ZDBF2: variants seen among roughly 807,000 people sequenced by gnomAD.
The protein encoded by ZDBF2 is DBF4-type zinc finger-containing protein 2.
In ZDBF2, 6 loss-of-function variants were observed where a neutral mutation model predicts 9.4. The observed-to-expected ratio is 0.64, with a 90% CI of 0.35 to 1.27. The LOEUF (loss-of-function observed/expected upper bound fraction) is 1.27, where lower values mean the gene tolerates loss of function less well. Ranked by LOEUF, ZDBF2 falls within the 50% of genes most tolerant of loss-of-function variation. The probability of loss-of-function intolerance (pLI) is 0.03; values close to 1 mark genes in which losing one functional copy is unlikely to be tolerated. For missense variants in ZDBF2, 2,697 were observed against 2,766.8 expected, an observed-to-expected ratio of 0.97 and a Z score of 0.57; for synonymous variants, 905 against 946.3, an observed-to-expected ratio of 0.96 and a Z score of 0.80.
chr2:206,309,273 T>A lies in ZDBF2; in HGVS notation c.4745T>A (p.Val1582Asp). Residue 1582 changes from valine to aspartate, a missense_variant, in exon 5 of 5, where the codon GTC (valine) becomes GAC (aspartate). Physicochemically the swap from Val to Asp is radical, Grantham distance 152. Coordinates refer to ENST00000374423, the MANE Select transcript of ZDBF2 (RefSeq NM_020923.3). The part of the protein sequence containing the change: ...DKSCDFFGSE[V>D]RCNCKASTPS... The stretch of plus-strand genomic sequence containing the variant: ...AGCTGTGACTTTTTTGGTTCTGAAG[T>A]CAGATGTAATTGTAAAGCCTCTACT... 6.2e-7 allele frequency: 1 copy of A among 1,611,418 alleles called. No homozygotes were observed. Among genetic ancestry groups the A allele is most frequent in the Non-Finnish European group, 8.5e-7 (1 of 1,178,750 alleles).
rs556492868 is a variant in ZDBF2, at chr2:206,298,868, T to C, written c.188+1495T>C. 2.0e-5 allele frequency among the ~76,000 whole-genome samples: 3 copies of C among 152,162 alleles called. No homozygotes were observed. The East Asian group carries it at 5.8e-4, about 29-fold the overall frequency. On this transcript the variant is annotated intron_variant, in intron 4 of 4. Transcript: ENST00000374423. ...TAAGCAGTGCTTCAGCAAACATGTT[T>C]TTACATGAATTTTTTTTTTCTTTTT... is the stretch of plus-strand genomic sequence containing the variant.
rs373740476 is a variant in ZDBF2, at chr2:206,307,330, C to T, written c.2802C>T (p.Pro934=). 9.9e-6 allele frequency: 16 copies of T among 1,612,276 alleles called. No homozygotes were observed. The highest frequency in any genetic ancestry group is 1.4e-5 in the Non-Finnish European group (16 of 1,179,516). ...CAGTGACTGGACGTTCTGAAGATCC[C>T]ATTAAAGAAATAAGCCTTCACACAA... ...FHSVTGRSED[P]IKEISLHTKE... The change falls in exon 5 of 5, where the codon CCC becomes CCT. Residue 934 remains proline (P), a synonymous_variant. Coordinates refer to ENST00000374423, the MANE Select transcript of ZDBF2 (RefSeq NM_020923.3).
rs764389578 is a variant in ZDBF2, at chr2:206,306,295, T to C, written c.1767T>C (p.Leu589=). 6 of 1,613,706 alleles carry C rather than the reference T, an allele frequency of 3.7e-6. No homozygotes were observed. The South Asian group carries it at 6.6e-5, about 18-fold the overall frequency. The part of the protein sequence containing the change: ...SETSFDCDVS[L]ESVVDHPQLT... ...CAAGTTTTGATTGTGATGTTTCTCT[T>C]GAGTCAGTAGTTGATCATCCCCAAC... is the stretch of plus-strand genomic sequence containing the variant. Residue 589 remains leucine (L), a synonymous_variant, in exon 5 of 5, where the codon CTT becomes CTC. Transcript: ENST00000374423.
At chr2:206,297,710 G>A (rs997837561) in intron 4 of ZDBF2, among the ~76,000 whole-genome samples, 3 of 151,960 alleles carry the variant, frequency 2.0e-5, no homozygotes, top group South Asian at 4.2e-4. Flanking sequence ...ATGGAGTTTC[G>A]CTCTTGTTGC....
intron 1 of ZDBF2, among the ~76,000 whole-genome samples, chr2:206,278,437 T>C (rs1056269004): frequency 6.6e-6 from 1 of 152,166 alleles, no homozygotes; most frequent in Non-Finnish European, 1.5e-5. Flanking sequence ...GAATCATTTT[T>C]CCAGAATTTT....
chr2:206,283,052 C>G (rs1221391817), intron 3 of ZDBF2, among the ~76,000 whole-genome samples: 1 of 152,192 alleles, frequency 6.6e-6, no homozygotes, highest in Non-Finnish European at 1.5e-5. Flanking sequence ...CGACCTCGTT[C>G]CTTTTTATGG....
At chr2:206,304,278 G>C (rs1393417658) in intron 4 of ZDBF2, among the ~76,000 whole-genome samples, 1 of 152,152 alleles carries the variant, frequency 6.6e-6, no homozygotes, top group Admixed American at 6.5e-5. Flanking sequence ...CTTACTGTGT[G>C]CCAAGCTGTT....
In ZDBF2 at chr2:206,311,027, C is replaced by T. The variant is rs1559163402; in HGVS notation, c.6499C>T (p.Leu2167Phe). 1 of 1,610,362 alleles carries T rather than the reference C, an allele frequency of 6.2e-7. No individual in the cohort carries two copies. The highest frequency in any genetic ancestry group is 1.7e-5 in the Admixed American group (1 of 59,208). ...CTCTCCAAAATCAGTTAGAAATAAG[C>T]TTTTGGAAAGTCAAAGTAAAAAGAA... is the stretch of plus-strand genomic sequence containing the variant. ...KISPKSVRNK[L>F]LESQSKKKIH... is the part of the protein sequence containing the mutation. Residue 2167 changes from leucine (L) to phenylalanine (F), a missense_variant, in exon 5 of 5, where the codon CTT becomes TTT. By Grantham distance (22) the Leu-to-Phe change is conservative (BLOSUM62 0). Around this residue, in one of 3 missense-constraint regions of ZDBF2, gnomAD observed 1,783 missense variants for 1,776.5 expected, o/e 1.00. Transcript: ENST00000374423.
At position 206,308,367 on chromosome 2, in the gene ZDBF2, C is replaced by T. The variant is rs1460759946; in HGVS notation, c.3839C>T (p.Pro1280Leu). Residue 1280 changes from proline to leucine, a missense_variant, in exon 5 of 5, where the codon CCT (proline) becomes CTT (leucine). Pro to Leu is a moderately conservative substitution (Grantham distance 98, BLOSUM62 -3). Transcript: ENST00000374423. ...HVDLENKIVK[P>L]TDSRINFDSH... ...GACTTGGAAAATAAGATTGTCAAAC[C>T]TACAGATTCCAGAATAAATTTTGAT... The T allele has an allele frequency of 4.3e-6, 7 of 1,612,930 alleles. No individual in the cohort carries two copies. Among genetic ancestry groups the T allele is most frequent in the Non-Finnish European group, 5.1e-6 (6 of 1,179,634 alleles).
Position 206,308,909 on chromosome 2 carries a change from C to T in ZDBF2, c.4381C>T (p.His1461Tyr). The T allele has an allele frequency of 6.2e-7, 1 of 1,612,620 alleles. No homozygotes were observed. Among genetic ancestry groups the T allele is most frequent in the Non-Finnish European group, 8.5e-7 (1 of 1,179,232 alleles). ...GSEIKCHSCV[H>Y]LQSEVDQPQV... ...TGAAATAAAATGTCATTCTTGTGTT[C>T]ATCTTCAGTCAGAAGTTGACCAACC... The change falls in exon 5 of 5, where the codon CAT becomes TAT. Residue 1461 changes from histidine (H) to tyrosine (Y), a missense_variant. Physicochemically the swap from His to Tyr is moderately conservative, Grantham distance 83 (BLOSUM62 2). Coordinates refer to ENST00000374423, the MANE Select transcript of ZDBF2 (RefSeq NM_020923.3).
chr2:206,297,515 T>A, intron 4 of ZDBF2, 142 bp downstream of exon 4: 1 of 820,706 alleles, frequency 1.2e-6, no homozygotes, highest in Non-Finnish European at 1.8e-6. Flanking sequence ...ATTTGCAATT[T>A]AAAATTTTTC....
intron 4 of ZDBF2, among the ~76,000 whole-genome samples, chr2:206,298,528 G>GT (rs777415897): frequency 5.3e-5 from 8 of 151,902 alleles, no homozygotes; most frequent in Non-Finnish European, 1.2e-4. Context: ...TTTTGTTTTT[G>GT]TTTTTGTTTT....
chr2:206,283,971 A>G (rs1180398139), intron 3 of ZDBF2, among the ~76,000 whole-genome samples: 1 of 152,088 alleles, frequency 6.6e-6, no homozygotes, highest in Non-Finnish European at 1.5e-5. Flanking sequence ...CCTTCTTTTT[A>G]CTTTCATGAT....
At chr2:206,291,220 G>A (rs974587563) in intron 3 of ZDBF2, among the ~76,000 whole-genome samples, 2 of 152,198 alleles carry the variant, frequency 1.3e-5, no homozygotes, top group African/African-American at 4.8e-5. Flanking sequence ...AGATGGGGTG[G>A]AGGGGTGGTT....
chr2:206,299,377 A>T (rs1220906504), intron 4 of ZDBF2, among the ~76,000 whole-genome samples: 1 of 152,016 alleles, frequency 6.6e-6, no homozygotes, highest in Non-Finnish European at 1.5e-5. Flanking sequence ...TAAATCCAAA[A>T]TAACCACAGA....
At chr2:206,275,882 C>G (rs953636435) in intron 1 of ZDBF2, among the ~76,000 whole-genome samples, 2 of 152,154 alleles carry the variant, frequency 1.3e-5, no homozygotes, top group African/African-American at 4.8e-5. Context: ...AAGACCTTTT[C>G]TCTATCGTTT....
At chr2:206,297,078 C>T (rs952501898) in intron 3 of ZDBF2, among the ~76,000 whole-genome samples, 168 bp from the exon 4 acceptor site, 1 of 152,008 alleles carries the variant, frequency 6.6e-6, no homozygotes, top group Non-Finnish European at 1.5e-5. Flanking sequence ...ATTATTTTAC[C>T]TAAGGGAAAG....
In ZDBF2 at chr2:206,309,690, A is replaced by C; in HGVS notation, c.5162A>C (p.His1721Pro). ...DFGASSKSAL[H>P]RRADKKKRSK... is the part of the protein sequence containing the mutation. ...GGTGCCTCTTCCAAGTCAGCGCTCC[A>C]TCGAAGGGCTGATAAAAAAAAACGT... Residue 1721 changes from histidine (H) to proline (P), a missense_variant, in exon 5 of 5, where the codon CAT (histidine) becomes CCT (proline). His to Pro is a moderately conservative substitution (Grantham distance 77). This residue lies in a region of ZDBF2 where 1,783 missense variants were observed against 1,776.5 expected (regional missense o/e 1.00). Coordinates refer to ENST00000374423, the MANE Select transcript of ZDBF2 (RefSeq NM_020923.3). 6.2e-7 allele frequency: 1 copy of C among 1,613,858 alleles called. No homozygotes were observed. Among genetic ancestry groups the C allele is most frequent in the Non-Finnish European group, 8.5e-7 (1 of 1,179,860 alleles).
At chr2:206,284,520 A>G (rs1042188868) in intron 3 of ZDBF2, among the ~76,000 whole-genome samples, 3 of 152,182 alleles carry the variant, frequency 2.0e-5, no homozygotes, top group African/African-American at 7.2e-5. Context: ...ACAGTGTTGT[A>G]TAGGACTTTA....
Sources: allele counts gnomAD v4.1 joint callset (sites outside exome capture counted in the v4.1 genomes callset), GRCh38; gene constraint gnomAD v4.1.1; regional missense constraint gnomAD v4.1.1; transcripts MANE v1.5; gene names NCBI Gene and HGNC (gene_info 2026-07-23, HGNC 2026-07-21).